COX7A2: variants seen among roughly 807,000 people sequenced by gnomAD.
COX7A2 encodes cytochrome c oxidase subunit 7A2.
Under a neutral mutation model 11.6 loss-of-function variants are expected in COX7A2, and 11 were observed. The observed-to-expected ratio is 0.95, with a 90% CI of 0.60 to 1.57. COX7A2 has a LOEUF of 1.57. Ranked by LOEUF, COX7A2 falls within the 40% of genes most tolerant of loss-of-function variation. The probability of loss-of-function intolerance (pLI) is 0.00; values close to 1 mark genes in which losing one functional copy is unlikely to be tolerated. For missense variants in COX7A2, 106 were observed against 100.9 expected (o/e 1.05, Z -0.22); for synonymous variants, 30 against 38.2 (o/e 0.78, Z 0.79).
upstream of COX7A2, among the ~76,000 whole-genome samples, chr6:75,245,475 A>C (rs1562375457): frequency 7.3e-6 from 1 of 136,394 alleles, no homozygotes; most frequent in Non-Finnish European, 1.6e-5. Context: ...TGGGCGACAG[A>C]GTGAGACTTC....
At chr6:75,242,247 G>A (rs1030940294) in intron 1 of COX7A2, among the ~76,000 whole-genome samples, 2 of 151,968 alleles carry the variant, frequency 1.3e-5, no homozygotes, top group Non-Finnish European at 2.9e-5. Flanking sequence ...GCTCACGCCT[G>A]TAATCCCAGT....
chr6:75,239,715 G>C (rs1340781208), intron 3 of COX7A2, among the ~76,000 whole-genome samples: 1 of 152,182 alleles, frequency 6.6e-6, no homozygotes, highest in Non-Finnish European at 1.5e-5. Context: ...GGATGTTTTT[G>C]ACTGAAATAT....
At position 75,237,806 on chromosome 6, in the gene COX7A2, T is replaced by C. The variant is rs983533053; in HGVS notation, c.*124A>G. 1.4e-5 allele frequency: 8 copies of C among 586,764 alleles called. No homozygotes were observed. The highest frequency in any genetic ancestry group is 3.7e-5 in the African/African-American group (2 of 54,534). The allele number at this position is 586,764 out of a possible 1,614,324, so 36.3% of individuals were successfully genotyped here. Reference sequence around the variant, plus strand: ...ACAAAGCATGGTAAAGACTGCTTTATTGGTGGCAGTTACTACAAGTCAATA... The same window carrying C: ...ACAAAGCATGGTAAAGACTGCTTTACTGGTGGCAGTTACTACAAGTCAATA... On this transcript the variant is annotated 3_prime_UTR_variant, in exon 4 of 4. Coordinates refer to ENST00000684430, the MANE Select transcript of COX7A2 (RefSeq NM_001366293.2).
upstream of COX7A2, among the ~76,000 whole-genome samples, chr6:75,247,042 A>G (rs535008077): frequency 5.4e-4 from 82 of 152,324 alleles, no homozygotes; most frequent in South Asian, 1.7e-3. Context: ...GGGTTTTGTA[A>G]CAGTATAACA....
In COX7A2 at chr6:75,240,393, T is replaced by TAAA. The variant is rs56897555; in HGVS notation, c.109-11_109-9dup. ...TGGAATTTCATCATCCTCCTAGATTTAAAAAAAAAAAAAAAAGACAATAAT... is the reference window on the plus strand; with the variant it reads ...TGGAATTTCATCATCCTCCTAGATTTAAAAAAAAAAAAAAAAAAAGACAATAAT... On this transcript the variant is annotated splice_polypyrimidine_tract_variant and intron_variant, in intron 2 of 3. Coordinates refer to ENST00000684430, the MANE Select transcript of COX7A2 (RefSeq NM_001366293.2). The TAAA allele has an allele frequency of 5.9e-4, 716 of 1,215,364 alleles. No homozygotes were observed. The highest frequency in any genetic ancestry group is 1.1e-3 in the Middle Eastern group (5 of 4,692). 75.3% of individuals were successfully genotyped at this position (1,215,364 alleles called of 1,614,324 possible).
intron 1 of COX7A2, 93 bp from the exon 2 acceptor site, chr6:75,241,358 T>C: frequency 8.6e-7 from 1 of 1,163,340 alleles, no homozygotes; most frequent in Non-Finnish European, 1.2e-6. Context: ...AAAGGTAAAT[T>C]GAGACTTGAA....
rs762527604 is a variant in COX7A2 at position 75,243,793 on chromosome 6, G to A, written c.-59C>T. The A allele has an allele frequency of 3.1e-6, 5 of 1,614,074 alleles. No individual in the cohort carries two copies. The highest frequency in any genetic ancestry group is 2.5e-6 in the Non-Finnish European group (3 of 1,179,964). On this transcript the variant is annotated 5_prime_UTR_variant, in exon 1 of 4. Coordinates refer to ENST00000684430, the MANE Select transcript of COX7A2 (RefSeq NM_001366293.2). ...GAACACCACCAACGAAAATGGCCAC[G>A]CCGGAACCGGAACTACCTCCGAGTC...
chr6:75,241,258 C>T lies in COX7A2; in HGVS notation c.26G>A (p.Arg9His), dbSNP rs752629299. The T allele has an allele frequency of 6.5e-6, 10 of 1,527,300 alleles. No homozygotes were observed. Among genetic ancestry groups the T allele is most frequent in the Admixed American group, 3.5e-5 (2 of 56,874 alleles). 94.6% of individuals were successfully genotyped at this position (1,527,300 alleles called of 1,614,324 possible). The change falls in exon 2 of 4, where the codon CGT becomes CAT. Residue 9 changes from arginine to histidine, a missense_variant. Arg to His is a conservative substitution (Grantham distance 29, BLOSUM62 0). Transcript: ENST00000684430. MLRNLLAL[R>H]QIGQRTISTA... is the part of the protein sequence containing the mutation. The stretch of plus-strand genomic sequence containing the variant: ...GCTTATCGTCCTCTGCCCAATCTGA[C>T]GAAGAGCCTAAAATGAAAATATTAT...
chr6:75,240,499 A>G, intron 2 of COX7A2, 114 bp from the exon 3 acceptor site: 1 of 626,772 alleles, frequency 1.6e-6, no homozygotes, highest in Non-Finnish European at 2.6e-6. Flanking sequence ...CTAGAATTAA[A>G]GTATTTTAAG....
chr6:75,246,298 T>C (rs1402169861), upstream of COX7A2, among the ~76,000 whole-genome samples: 1 of 152,222 alleles, frequency 6.6e-6, no homozygotes, highest in Non-Finnish European at 1.5e-5. Flanking sequence ...TCTGCAATTT[T>C]CCTTATTTCA....
intron 3 of COX7A2, among the ~76,000 whole-genome samples, chr6:75,239,622 A>C (rs1176680032): frequency 6.6e-6 from 1 of 152,240 alleles, no homozygotes; most frequent in African/African-American, 2.4e-5. Flanking sequence ...ATGTCTGTAC[A>C]AAGTTTAGAT....
At chr6:75,240,477 C>T (rs1322468563) in intron 2 of COX7A2, 92 bp from the exon 3 acceptor site, 2 of 763,034 alleles carry the variant, frequency 2.6e-6, no homozygotes, top group Admixed American at 3.2e-5. Flanking sequence ...AATGATATAG[C>T]TCCTTAAATC....
chr6:75,244,157 C>T (rs1454977049), upstream of COX7A2: 2 of 233,282 alleles, frequency 8.6e-6, no homozygotes, highest in African/African-American at 4.6e-5. Flanking sequence ...TGAACAAAGA[C>T]TGGGTTGGCC....
At chr6:75,245,335 C>T (rs1361392123), upstream of COX7A2, among the ~76,000 whole-genome samples, 1 of 151,998 alleles carries the variant, frequency 6.6e-6, no homozygotes, top group African/African-American at 2.4e-5. Context: ...ACTAAAAATA[C>T]AAAAAATAAG....
chr6:75,248,439 CAG>C (rs1771724245), upstream of COX7A2, among the ~76,000 whole-genome samples: 1 of 152,270 alleles, frequency 6.6e-6, no homozygotes, highest in East Asian at 1.9e-4. Flanking sequence ...CCCAGATCTT[CAG>C]ATAAACTCAA....
upstream of COX7A2, among the ~76,000 whole-genome samples, chr6:75,245,501 A>AT (rs2149513810): frequency 6.6e-6 from 1 of 151,822 alleles, no homozygotes; most frequent in African/African-American, 2.4e-5. Flanking sequence ...AAAAAAAAAA[A>AT]AAAAGCCATG....
intron 3 of COX7A2, 93 bp downstream of exon 3, chr6:75,240,208 G>C (rs1771450474): frequency 1.1e-6 from 1 of 885,752 alleles, no homozygotes. Context: ...CAAACTGCCT[G>C]CATTAAAATA....
intron 3 of COX7A2, among the ~76,000 whole-genome samples, chr6:75,238,667 G>C (rs1279802705): frequency 8.5e-6 from 1 of 117,286 alleles, no homozygotes. Flanking sequence ...TCGCGCCATT[G>C]CACTCCAGCC....
In COX7A2 at chr6:75,237,909, C is replaced by T. The variant is rs773507804; in HGVS notation, c.*21G>A. ...GAGAGCTGAATGAAACTGAACCAAG[C>T]GATTGCTGGGATGACTGAAGTCACT... is the stretch of plus-strand genomic sequence containing the variant. On this transcript the variant is annotated 3_prime_UTR_variant, in exon 4 of 4. Coordinates refer to ENST00000684430, the MANE Select transcript of COX7A2 (RefSeq NM_001366293.2). The T allele has an allele frequency of 3.7e-6, 6 of 1,600,120 alleles. No homozygotes were observed. The highest frequency in any genetic ancestry group is 2.2e-5 in the East Asian group (1 of 44,756).
Sources: allele counts gnomAD v4.1 joint callset (sites outside exome capture counted in the v4.1 genomes callset), GRCh38; gene constraint gnomAD v4.1.1; transcripts MANE v1.5; gene names NCBI Gene and HGNC (gene_info 2026-07-23, HGNC 2026-07-21).